The following PHF24 variants were observed in gnomAD, a reference collection of about 807,000 sequenced individuals.
The protein encoded by PHF24 is PHD finger protein 24, also known as Galpha inhibitory interacting protein.
PHF24 carries 25 observed loss-of-function variants against 42.6 expected under a neutral mutation model. That is an observed-to-expected ratio of 0.59 (90% CI 0.43 to 0.82). The LOEUF (loss-of-function observed/expected upper bound fraction) is 0.82. Ranked by LOEUF, PHF24 falls within the 40% of genes least tolerant of loss-of-function variation. The pLI is 0.00. For missense variants in PHF24, 470 were observed against 538.1 expected (o/e 0.87, Z 1.25); for synonymous variants, 185 against 204.8 (o/e 0.90, Z 0.83).
chr9:34,674,113 G>A, the PHF24 span, among the ~76,000 whole-genome samples: 2 of 152,196 alleles, frequency 1.3e-5, no homozygotes, highest in African/African-American at 4.8e-5. Flanking sequence ...TTTGAATTGG[G>A]TTTTTGCCGT....
chr9:34,910,017 C>T, the PHF24 span, among the ~76,000 whole-genome samples: 1 of 152,318 alleles, frequency 6.6e-6, no homozygotes, highest in African/African-American at 2.4e-5. Flanking sequence ...TCCTTCATTT[C>T]TGTACTTCAG....
At chr9:34,813,592 C>T in the PHF24 span, among the ~76,000 whole-genome samples, 3 of 152,286 alleles carry the variant, frequency 2.0e-5, no homozygotes, top group African/African-American at 7.2e-5. Flanking sequence ...GGATTGAAGA[C>T]CTTGGCTTCT....
At chr9:34,813,790 C>G in the PHF24 span, among the ~76,000 whole-genome samples, 1 of 152,166 alleles carries the variant, frequency 6.6e-6, no homozygotes, top group African/African-American at 2.4e-5. Context: ...TAATTAGAAT[C>G]AAGTCACATA....
the PHF24 span, among the ~76,000 whole-genome samples, chr9:34,846,773 T>G: frequency 2.6e-5 from 4 of 152,248 alleles, no homozygotes; most frequent in South Asian, 2.1e-4. Flanking sequence ...AATTAATTTT[T>G]GTATAAGGTG....
At chr9:34,787,082 G>A in the PHF24 span, among the ~76,000 whole-genome samples, 1 of 152,092 alleles carries the variant, frequency 6.6e-6, no homozygotes, top group East Asian at 1.9e-4. Flanking sequence ...CGTCAGGAAA[G>A]GGGCTGGAAG....
chr9:34,681,909 T>G, the PHF24 span, among the ~76,000 whole-genome samples: 1 of 152,310 alleles, frequency 6.6e-6, no homozygotes, highest in African/African-American at 2.4e-5. Flanking sequence ...TGTCTCTCTC[T>G]GTCACATAGT....
the PHF24 span, among the ~76,000 whole-genome samples, chr9:34,935,744 GGT>G: frequency 2.2e-4 from 33 of 149,966 alleles, no homozygotes; most frequent in South Asian, 4.2e-4. Flanking sequence ...GTGGGGGGGG[GGT>G]GTGTGTGTGT....
At chr9:34,938,330 C>T in the PHF24 span, among the ~76,000 whole-genome samples, 4 of 152,332 alleles carry the variant, frequency 2.6e-5, no homozygotes, top group East Asian at 7.7e-4. Flanking sequence ...CTGAGGCCCA[C>T]CCCAGGAATA....
chr9:34,921,445 T>C, the PHF24 span, among the ~76,000 whole-genome samples: 1 of 152,324 alleles, frequency 6.6e-6, no homozygotes, highest in East Asian at 1.9e-4. Context: ...ATACATGAAG[T>C]AATGAATACC....
the PHF24 span, among the ~76,000 whole-genome samples, chr9:34,795,285 G>A: frequency 3.3e-5 from 5 of 151,662 alleles, no homozygotes; most frequent in Non-Finnish European, 5.9e-5. Flanking sequence ...GACACCAGAA[G>A]AAAATGAAAC....
At chr9:34,890,227 G>T in the PHF24 span, among the ~76,000 whole-genome samples, 1 of 152,342 alleles carries the variant, frequency 6.6e-6, no homozygotes, top group South Asian at 2.1e-4. Flanking sequence ...TTGGCAGAAA[G>T]GGTGTTCTCT....
the PHF24 span, among the ~76,000 whole-genome samples, chr9:34,829,387 A>G: frequency 2.1e-4 from 32 of 152,348 alleles, no homozygotes; most frequent in African/African-American, 7.5e-4. Context: ...ATTTGAACCT[A>G]TGAGACTATC....
At chr9:34,818,524 C>A in the PHF24 span, among the ~76,000 whole-genome samples, 2 of 152,106 alleles carry the variant, frequency 1.3e-5, no homozygotes, top group Non-Finnish European at 2.9e-5. Context: ...CCATGGCGTA[C>A]CCCCACTTAG....
At chr9:34,883,565 G>C in the PHF24 span, among the ~76,000 whole-genome samples, 4 of 152,190 alleles carry the variant, frequency 2.6e-5, no homozygotes, top group South Asian at 8.3e-4. Context: ...GATATGAACA[G>C]ACACTTCTCA....
chr9:34,709,427 C>A, the PHF24 span: 1 of 1,612,514 alleles, frequency 6.2e-7, no homozygotes, highest in Non-Finnish European at 8.5e-7. Flanking sequence ...ACCGCTCAGT[C>A]CTGTGAGGGC....
At chr9:34,886,746 A>G in the PHF24 span, among the ~76,000 whole-genome samples, 2,547 of 119,958 alleles carry the variant, frequency 0.021, 37 homozygotes, top group East Asian at 0.043. Context: ...ATATCTATCT[A>G]TCTATCTATC....
At chr9:34,940,416 C>A in the PHF24 span, among the ~76,000 whole-genome samples, 2 of 149,782 alleles carry the variant, frequency 1.3e-5, no homozygotes, top group South Asian at 4.2e-4. Flanking sequence ...AAAAAAAAAA[C>A]CTGTCTTGAC....
At chr9:34,697,699 G>A in the PHF24 span, among the ~76,000 whole-genome samples, 1 of 152,180 alleles carries the variant, frequency 6.6e-6, no homozygotes. Flanking sequence ...AGAGGAAGAG[G>A]TTCAAAGGTT....
the PHF24 span, chr9:34,895,093 C>A: frequency 5.0e-6 from 2 of 398,530 alleles, no homozygotes; most frequent in Non-Finnish European, 4.4e-6. Flanking sequence ...CACTTAAAGA[C>A]AAAAACATTA....
Sources: gnomAD v4.1 joint callset for allele counts (sites outside exome capture counted in the v4.1 genomes callset) on GRCh38, gnomAD v4.1.1 for gene constraint, MANE v1.5 for transcripts, NCBI Gene and HGNC (gene_info 2026-07-23, HGNC 2026-07-21) for gene names.